The following MUC4 variants were observed in gnomAD, a reference collection of about 807,000 sequenced individuals.
MUC4 encodes the protein mucin-4.
In MUC4, 202 loss-of-function variants were observed where a neutral mutation model predicts 257.9. The observed-to-expected ratio is 0.78, with a 90% confidence interval of 0.70 to 0.88. MUC4 has a LOEUF of 0.88. Among genes scored for constraint, MUC4 ranks in the 40% least tolerant of loss-of-function variants. MUC4 has a pLI of 0.00. For missense variants in MUC4, 5,976 were observed against 6,513.7 expected, an observed-to-expected ratio of 0.92 and a Z score of 2.84; for synonymous variants, 2,351 against 2,757.1, an observed-to-expected ratio of 0.85 and a Z score of 4.62.
rs1044536641 is a variant in MUC4, at chr3:195,757,693, G to A, written c.14987-365C>T. Among the ~76,000 whole-genome samples the A allele has an allele frequency of 1.3e-5, 2 of 152,056 alleles. No homozygotes were observed. The highest frequency in any genetic ancestry group is 2.4e-5 in the African/African-American group (1 of 41,390). On this transcript the variant is annotated intron_variant, in intron 17 of 24. Coordinates refer to ENST00000463781, the MANE Select transcript of MUC4 (RefSeq NM_018406.7). The surrounding 1 kb of genome is among the most constrained non-coding windows in gnomAD (Gnocchi z 4.8). ...AGACACCTCCCCAGGCTGCGCTGCC[G>A]GCCAAACTGGCTTCACTCTCACGGC... is the stretch of plus-strand genomic sequence containing the variant.
In MUC4 at chr3:195,763,571, G is replaced by A; in HGVS notation, c.14115C>T (p.Asp4705=). 6.3e-7 allele frequency: 1 copy of A among 1,595,032 alleles called. No individual in the cohort carries two copies. Among genetic ancestry groups the A allele is most frequent in the Non-Finnish European group, 8.5e-7 (1 of 1,170,018 alleles). The change falls in exon 12 of 25, where the codon GAC becomes GAT. Residue 4705 remains aspartate, a synonymous_variant. Coordinates refer to ENST00000463781, the MANE Select transcript of MUC4 (RefSeq NM_018406.7). ...GVSYTFNGLG[D]FLLVGAQDGN... ...CGTCTTGGGCCCCGACCAGCAGGAA[G>A]TCCCCCAGCCCATTGAAGGTGTAAC... is the stretch of plus-strand genomic sequence containing the variant.
chr3:195,773,171 G>A (rs1465362357), intron 4 of MUC4, among the ~76,000 whole-genome samples: 49 of 128,022 alleles, frequency 3.8e-4, no homozygotes, highest in East Asian at 7.3e-4. Flanking sequence ...TCTCTCCATC[G>A]CTCAGGGGTG....
intron 5 of MUC4, among the ~76,000 whole-genome samples, chr3:195,771,114 C>T (rs7641875): frequency 9.6e-3 from 857 of 89,594 alleles, no homozygotes; most frequent in Middle Eastern, 0.071. Flanking sequence ...GTCTCGTGGC[C>T]GGGTTGGGGT....
Position 195,746,985 on chromosome 3 carries a change from G to GGCC in MUC4, c.*188_*190dup. On this transcript the variant is annotated 3_prime_UTR_variant, in exon 25 of 25. Coordinates refer to ENST00000463781, the MANE Select transcript of MUC4 (RefSeq NM_018406.7). ...CCATCCATGCATGTTTGATCTTTAT[G>GGCC]GCCTCCCCCTGTGCACCTGCGCCTA... The GGCC allele has an allele frequency of 1.2e-6, 1 of 812,998 alleles. No individual in the cohort carries two copies. Among genetic ancestry groups the GGCC allele is most frequent in the Non-Finnish European group, 1.9e-6 (1 of 522,228 alleles). The allele number at this position is 812,998 out of a possible 1,614,324, so 50.4% of individuals were successfully genotyped here.
At position 195,762,928 on chromosome 3, in the gene MUC4, C is replaced by G; in HGVS notation, c.14271G>C (p.Glu4757Asp). 1 of 1,564,480 alleles carries G rather than the reference C, an allele frequency of 6.4e-7. No individual in the cohort carries two copies. The highest frequency in any genetic ancestry group is 8.6e-7 in the Non-Finnish European group (1 of 1,156,314). Residue 4757 changes from glutamate (E) to aspartate (D), a missense_variant, in exon 13 of 25, where the codon GAG becomes GAC. Transcript: ENST00000463781. Reference sequence around the variant, plus strand: ...GCAGGACACGGATTGCGTCGTGAGGCTCAAGGAGCCATTGGACCTGGAAGG... The same window carrying G: ...GCAGGACACGGATTGCGTCGTGAGGGTCAAGGAGCCATTGGACCTGGAAGG... ...LGPVTVQWLL[E>D]PHDAIRVLLD... is the part of the protein sequence containing the mutation.
rs548639450 is a variant in MUC4, at chr3:195,754,654, A to G, written c.15169-282T>C. ...CTCAGCCTCTTCCCTCTCACACTCT[A>G]GCTCTTTGCCTGAAATCCTTTCTAG... On this transcript the variant is annotated intron_variant, in intron 18 of 24. Coordinates refer to ENST00000463781, the MANE Select transcript of MUC4 (RefSeq NM_018406.7). 3.9e-5 allele frequency among the ~76,000 whole-genome samples: 6 copies of G among 152,268 alleles called. No homozygotes were observed. The East Asian group carries it at 9.7e-4, about 25-fold the overall frequency.
Position 195,765,120 on chromosome 3 carries a change from G to A in MUC4, c.13801C>T (p.Arg4601Cys), listed in dbSNP as rs773231733. ...DLRFQPVSIGRWGLGSRQLCS... is the reference protein window; with the variant it reads ...DLRFQPVSIGCWGLGSRQLCS... The stretch of plus-strand genomic sequence containing the variant: ...AGCTGCCTACTGCCGAGGCCCCAGC[G>A]ACCTGAAACAAGTCCAGTCCCACTC... Residue 4601 changes from arginine (R) to cysteine (C), a missense_variant and splice_region_variant, in exon 10 of 25, where the codon CGC becomes TGC. This residue lies in a region of MUC4 where 996 missense variants were observed against 1,137.3 expected (regional missense o/e 0.88). Transcript: ENST00000463781. 8.1e-6 allele frequency: 13 copies of A among 1,611,764 alleles called. No individual in the cohort carries two copies. The highest frequency in any genetic ancestry group is 6.7e-5 in the African/African-American group (5 of 74,900).
intron 16 of MUC4, among the ~76,000 whole-genome samples, chr3:195,759,762 A>C (rs2550272): frequency 0.62 from 94,400 of 151,810 alleles, 30,617 homozygotes; most frequent in East Asian, 0.8. Context: ...TCTACTAAAA[A>C]TACAAAATTA....
intron 1 of MUC4, among the ~76,000 whole-genome samples, chr3:195,806,925 C>G (rs1020526078): frequency 1.3e-5 from 2 of 152,230 alleles, no homozygotes; most frequent in African/African-American, 4.8e-5. Context: ...CAAATTCCCC[C>G]AAAATCCACT....
chr3:195,748,035 C>T (rs1424275503), intron 24 of MUC4, among the ~76,000 whole-genome samples: 1 of 152,210 alleles, frequency 6.6e-6, no homozygotes, highest in East Asian at 1.9e-4. Context: ...GCGCTCCGCC[C>T]GCCCCCTCCT....
chr3:195,774,116 G>A, intron 4 of MUC4, 56 bp downstream of exon 4: 1 of 1,537,376 alleles, frequency 6.5e-7, no homozygotes, highest in African/African-American at 1.4e-5. Flanking sequence ...TCTCGAAGCA[G>A]GAGAGAGAAG....
Position 195,763,442 on chromosome 3 carries a change from G to A in MUC4, c.14244C>T (p.Gly4748=). The A allele has an allele frequency of 7.0e-7, 1 of 1,420,356 alleles. No homozygotes were observed. Among genetic ancestry groups the A allele is most frequent in the Non-Finnish European group, 9.2e-7 (1 of 1,082,394 alleles). The allele number at this position is 1,420,356 out of a possible 1,614,324, so 88.0% of individuals were successfully genotyped here. Residue 4748 remains glycine (G), a synonymous_variant, in exon 12 of 25, where the codon GGC becomes GGT. Coordinates refer to ENST00000463781, the MANE Select transcript of MUC4 (RefSeq NM_018406.7). ...FAAQYRSSSL[G]PVTVQWLLEP... ...GGCACCCCTCACTCACCGTGACGGG[G>A]CCCAGGCTGCTGGAGCGGTACTGAG...
chr3:195,807,282 A>G (rs1736096772), intron 1 of MUC4, among the ~76,000 whole-genome samples: 1 of 152,184 alleles, frequency 6.6e-6, no homozygotes, highest in Non-Finnish European at 1.5e-5. Context: ...CAGCCTGGCC[A>G]ACATGGTGAA....
At chr3:195,752,256 C>CCTCTGGCAGT (rs1344360291) in intron 21 of MUC4, 117 bp downstream of exon 21, 2 of 996,796 alleles carry the variant, frequency 2.0e-6, no homozygotes, top group Non-Finnish European at 3.1e-6. Context: ...GCTCCGGCCT[C>CCTCTGGCAGT]CTCTGGCAGT....
At chr3:195,772,641 C>A (rs1267503324) in intron 4 of MUC4, among the ~76,000 whole-genome samples, 1 of 134,808 alleles carries the variant, frequency 7.4e-6, no homozygotes, top group Non-Finnish European at 1.6e-5. Context: ...GGGGTGGAAA[C>A]CTCTCTCTAT....
chr3:195,786,917 C>A lies in MUC4; in HGVS notation c.4663G>T (p.Val1555Phe). 1 of 1,499,062 alleles carries A rather than the reference C, an allele frequency of 6.7e-7. No individual in the cohort carries two copies. The highest frequency in any genetic ancestry group is 2.1e-5 in the Admixed American group (1 of 48,108). 92.9% of individuals were successfully genotyped at this position (1,499,062 alleles called of 1,614,324 possible). ...ASTGDTTPLP[V>F]TDASSVSTGH... ...GTGGATACTGAGGAAGCGTCGGTGA[C>A]AGGAAGAGGGGTGGTGTCACCTGTG... The change falls in exon 2 of 25, where the codon GTC becomes TTC. Residue 1555 changes from valine (V) to phenylalanine (F), a missense_variant. By Grantham distance (50) the Val-to-Phe change is conservative. Coordinates refer to ENST00000463781, the MANE Select transcript of MUC4 (RefSeq NM_018406.7).
At chr3:195,775,245 CG>C (rs1724110372) in intron 3 of MUC4, among the ~76,000 whole-genome samples, 1 of 152,070 alleles carries the variant, frequency 6.6e-6, no homozygotes, top group African/African-American at 2.4e-5. Flanking sequence ...CCCTGGCTCC[CG>C]TTGCCTACAG....
intron 1 of MUC4, among the ~76,000 whole-genome samples, chr3:195,802,176 A>T (rs1365678209): frequency 2.0e-5 from 3 of 152,144 alleles, no homozygotes; most frequent in African/African-American, 7.2e-5. Context: ...TGTTCATGCT[A>T]ACAACAGTCC....
At chr3:195,754,814 C>G (rs73205706) in intron 18 of MUC4, among the ~76,000 whole-genome samples, 3 of 17,230 alleles carry the variant, frequency 1.7e-4, no homozygotes, top group Non-Finnish European at 3.6e-4. Flanking sequence ...ATGTATGTAT[C>G]CATGTGTGTA....
Sources: allele counts gnomAD v4.1 joint callset (sites outside exome capture counted in the v4.1 genomes callset), GRCh38; gene constraint gnomAD v4.1.1; regional missense constraint gnomAD v4.1.1; non-coding constraint Gnocchi (gnomAD v3.1); transcripts MANE v1.5; gene names NCBI Gene and HGNC (gene_info 2026-07-23, HGNC 2026-07-21).